The following COQ8A variants were observed in gnomAD, a reference collection of about 807,000 sequenced individuals.
The protein encoded by COQ8A is atypical kinase COQ8A, mitochondrial.
Under a neutral mutation model 65.0 loss-of-function variants are expected in COQ8A, and 51 were observed. The observed-to-expected ratio is 0.78, with a 90% CI of 0.63 to 0.99. COQ8A has a LOEUF of 0.99. Ranked by LOEUF, COQ8A falls within the 50% of genes least tolerant of loss-of-function variation. The pLI, the probability that COQ8A is intolerant of heterozygous loss-of-function variation, is 0.00. For missense variants in COQ8A, 940 were observed against 875.0 expected (o/e 1.07, Z -0.94); for synonymous variants, 371 against 353.2 (o/e 1.05, Z -0.57).
intron 1 of COQ8A, among the ~76,000 whole-genome samples, chr1:226,951,296 G>A (rs140185206): frequency 0.014 from 2,129 of 152,310 alleles, 56 homozygotes; most frequent in African/African-American, 0.047. Context: ...AGCCCAAGCC[G>A]TGGACCAACA....
chr1:226,951,543 C>T (rs938171329), intron 1 of COQ8A, among the ~76,000 whole-genome samples: 5 of 152,028 alleles, frequency 3.3e-5, no homozygotes, highest in East Asian at 3.9e-4. Context: ...CTGTGTCTGG[C>T]GAGGTGAGCC....
chr1:226,957,916 G>A (rs1438957517), intron 1 of COQ8A, among the ~76,000 whole-genome samples: 1 of 152,176 alleles, frequency 6.6e-6, no homozygotes, highest in Non-Finnish European at 1.5e-5. Context: ...AGGTCAGAGA[G>A]TGAAAGTTTG....
chr1:226,963,334 G>A lies in COQ8A; in HGVS notation c.178-1666G>A, dbSNP rs1414743095. On this transcript the variant is annotated intron_variant, in intron 2 of 14. Transcript: ENST00000366777. ...TCTCCCTTCTCGCGAGGGGAGGAAG[G>A]TCACGGACTCCAGGATCCTGTCTCC... 2.6e-5 allele frequency among the ~76,000 whole-genome samples: 4 copies of A among 152,350 alleles called. No homozygotes were observed. In the East Asian group the frequency reaches 5.8e-4, roughly 22 times the overall value.
At chr1:226,986,381 C>A in intron 14 of COQ8A, 72 bp from the exon 15 acceptor site, 2 of 1,555,032 alleles carry the variant, frequency 1.3e-6, no homozygotes, top group Non-Finnish European at 1.8e-6. Context: ...GCCCCGGGCA[C>A]TGTGGGAGGA....
intron 2 of COQ8A, among the ~76,000 whole-genome samples, chr1:226,964,143 G>T (rs541390478): frequency 6.6e-6 from 1 of 152,176 alleles, no homozygotes; most frequent in Non-Finnish European, 1.5e-5. Flanking sequence ...CATACCCTGC[G>T]CATTTCATTT....
At chr1:226,958,459 G>A (rs751883303) in intron 1 of COQ8A, among the ~76,000 whole-genome samples, 6 of 152,132 alleles carry the variant, frequency 3.9e-5, no homozygotes, top group African/African-American at 9.7e-5. Context: ...CGATCCTGGC[G>A]TGTCAGCATC....
intron 14 of COQ8A, among the ~76,000 whole-genome samples, 177 bp from the exon 15 acceptor site, chr1:226,986,276 G>A (rs1219547928): frequency 6.6e-6 from 1 of 152,192 alleles, no homozygotes; most frequent in Non-Finnish European, 1.5e-5. Context: ...CCCAGTCCAT[G>A]TTACCCTCGT....
chr1:226,984,629 T>A lies in COQ8A; in HGVS notation c.1480T>A (p.Phe494Ile). ...GCAAACAGACCCCAACTGGTCCAAC[T>A]TCTTCTATGACCCCCAGCAGCACAA... is the stretch of plus-strand genomic sequence containing the variant. ...FMQTDPNWSN[F>I]FYDPQQHKVA... The change falls in exon 12 of 15, where the codon TTC becomes ATC. Residue 494 changes from phenylalanine (F) to isoleucine (I), a missense_variant. Phe to Ile is a conservative substitution (Grantham distance 21). Transcript: ENST00000366777. 5 of 1,614,146 alleles carry A rather than the reference T, an allele frequency of 3.1e-6. No homozygotes were observed. The highest frequency in any genetic ancestry group is 4.2e-6 in the Non-Finnish European group (5 of 1,179,990).
intron 2 of COQ8A, among the ~76,000 whole-genome samples, chr1:226,964,327 C>G (rs538515978): frequency 6.6e-6 from 1 of 152,298 alleles, no homozygotes; most frequent in South Asian, 2.1e-4. Flanking sequence ...CAGGAGCTCA[C>G]TCAAGGTCAC....
chr1:226,969,482 C>T (rs1415255927), intron 4 of COQ8A, among the ~76,000 whole-genome samples: 2 of 152,170 alleles, frequency 1.3e-5, no homozygotes, highest in Non-Finnish European at 2.9e-5. Context: ...ATGATCCGCC[C>T]GCCTCGGCCT....
rs751637699 is a variant in COQ8A, at chr1:226,985,304, CAT to C, written c.1625_1626del (p.Ile542ArgfsTer31). ...ACAGGGAGACTGTGCGGGCGAAATC[CAT>C]AGAGATGAAGTTCCTCACCGGCTAC... ...RDRETVRAKS[I>X]EMKFLTGYEV... On this transcript the variant is annotated frameshift_variant, in exon 14 of 15. Transcript: ENST00000366777. LOFTEE classifies it high-confidence loss of function. The C allele has an allele frequency of 1.1e-5, 17 of 1,613,694 alleles. No homozygotes were observed. Among genetic ancestry groups the C allele is most frequent in the African/African-American group, 2.7e-5 (2 of 74,924 alleles).
At chr1:226,973,535 C>G (rs934461980) in intron 4 of COQ8A, among the ~76,000 whole-genome samples, 1 of 152,202 alleles carries the variant, frequency 6.6e-6, no homozygotes, top group Non-Finnish European at 1.5e-5. Flanking sequence ...TCCCTTCCCC[C>G]ACCAGTCCAG....
At position 226,984,035 on chromosome 1, in the gene COQ8A, G is replaced by GT. The variant is rs149374145; in HGVS notation, c.1257-59_1257-58insT. On this transcript the variant is annotated intron_variant, in intron 10 of 14. Transcript: ENST00000366777. ...CTCTGCCTGGTTGGGGGGTGTGTGTGGGGGGGGGGACGGTGTGGAGGGCCT... is the reference window on the plus strand; with the variant it reads ...CTCTGCCTGGTTGGGGGGTGTGTGTGTGGGGGGGGGACGGTGTGGAGGGCCT... 0.27 allele frequency: 330,732 copies of GT among 1,239,266 alleles called. 37,544 individuals are homozygous for GT. The highest frequency in any genetic ancestry group is 0.31 in the Non-Finnish European group (282,682 of 915,716). 76.8% of individuals were successfully genotyped at this position (1,239,266 alleles called of 1,614,324 possible).
intron 4 of COQ8A, among the ~76,000 whole-genome samples, chr1:226,971,775 C>T (rs192921550): frequency 1.2e-4 from 18 of 152,110 alleles, no homozygotes; most frequent in African/African-American, 4.1e-4. Context: ...GCTGCTTTTA[C>T]GATTTCCTTT....
Position 226,986,900 on chromosome 1 carries a change from T to C in COQ8A, c.*163T>C. ...CAGCGCTTTCCACGGTTTCTGTTGC[T>C]AAATGGTTGTAGGGTGAGAAGTGCA... On this transcript the variant is annotated 3_prime_UTR_variant, in exon 15 of 15. Transcript: ENST00000366777. 1 of 842,010 alleles carries C rather than the reference T, an allele frequency of 1.2e-6. No individual in the cohort carries two copies. Among genetic ancestry groups the C allele is most frequent in the Non-Finnish European group, 1.9e-6 (1 of 540,272 alleles). 52.2% of individuals were successfully genotyped at this position (842,010 alleles called of 1,614,324 possible). A position where few individuals can be genotyped will look rare whatever the true frequency, so the allele number is the denominator to read the frequency against.
chr1:226,963,971 C>T (rs373650678), intron 2 of COQ8A, among the ~76,000 whole-genome samples: 1 of 152,206 alleles, frequency 6.6e-6, no homozygotes, highest in East Asian at 1.9e-4. Context: ...GTGTTGGATC[C>T]CGGCTCTGTC....
At chr1:226,950,438 G>A (rs770586188) in intron 1 of COQ8A, among the ~76,000 whole-genome samples, 1 of 152,188 alleles carries the variant, frequency 6.6e-6, no homozygotes, top group Non-Finnish European at 1.5e-5. Context: ...TAAACAGGTT[G>A]CCTAGCTCCT....
chr1:226,962,500 TTGTG>T (rs1658310188), intron 2 of COQ8A, among the ~76,000 whole-genome samples: 1 of 152,180 alleles, frequency 6.6e-6, no homozygotes. Context: ...TGGGGGGTGT[TTGTG>T]TGCCTGTTGC....
intron 5 of COQ8A, among the ~76,000 whole-genome samples, chr1:226,980,512 C>A (rs1365507750): frequency 1.3e-5 from 2 of 152,200 alleles, no homozygotes; most frequent in East Asian, 1.9e-4. Context: ...AGCCCCCAGC[C>A]CACAAGTACC....
Sources: allele counts gnomAD v4.1 joint callset (sites outside exome capture counted in the v4.1 genomes callset), GRCh38; gene constraint gnomAD v4.1.1; transcripts MANE v1.5; gene names NCBI Gene and HGNC (gene_info 2026-07-23, HGNC 2026-07-21).